The following NRXN1 variants were observed in gnomAD, a reference collection of about 807,000 sequenced individuals.
The protein encoded by NRXN1 is neurexin 1.
Under a neutral mutation model 150.9 loss-of-function variants are expected in NRXN1, and 39 were observed. That is an observed-to-expected ratio of 0.26 (90% confidence interval 0.20 to 0.34). The LOEUF is 0.34. NRXN1 is among the 10% of genes least tolerant of loss of function. The pLI is 1.00. For synonymous variants in NRXN1, 924 were observed against 757.0 expected (o/e 1.22, Z -3.62); for missense variants, 1,815 against 1,949.9 (o/e 0.93, Z 1.30).
intron 22 of NRXN1, among the ~76,000 whole-genome samples, chr2:49,935,616 T>C (rs1670894659): frequency 6.6e-6 from 1 of 152,198 alleles, no homozygotes; most frequent in Non-Finnish European, 1.5e-5. Flanking sequence ...TGCTGCCCCT[T>C]GGAGCATATG....
chr2:50,516,530 A>G (rs946886341), intron 12 of NRXN1, among the ~76,000 whole-genome samples: 2 of 152,178 alleles, frequency 1.3e-5, no homozygotes, highest in South Asian at 4.1e-4. Context: ...TCTCTGGGGT[A>G]TCAGAGAAGC....
At chr2:50,516,248 A>C (rs1460211978) in intron 12 of NRXN1, among the ~76,000 whole-genome samples, 2 of 152,176 alleles carry the variant, frequency 1.3e-5, no homozygotes, top group Non-Finnish European at 2.9e-5. Context: ...CCTTATTCAA[A>C]ATTAAGAATT....
intron 5 of NRXN1, among the ~76,000 whole-genome samples, chr2:50,654,203 C>CT (rs200358102): frequency 2.9e-4 from 14 of 48,114 alleles, no homozygotes; most frequent in African/African-American, 8.4e-4. Context: ...ACAACAGGCC[C>CT]CAGTGTGATG....
At chr2:50,555,902 A>G (rs1668171161) in intron 8 of NRXN1, among the ~76,000 whole-genome samples, 1 of 152,194 alleles carries the variant, frequency 6.6e-6, no homozygotes, top group South Asian at 2.1e-4. Context: ...AATTCCTTTT[A>G]GAACGAAGAA....
intron 2 of NRXN1, among the ~76,000 whole-genome samples, chr2:50,929,697 AGT>A (rs1687454969): frequency 6.6e-6 from 1 of 152,048 alleles, no homozygotes; most frequent in Non-Finnish European, 1.5e-5. Context: ...CCATACAGGG[AGT>A]GTGCTAACTT....
intron 17 of NRXN1, among the ~76,000 whole-genome samples, chr2:50,434,343 C>A (rs1409021395): frequency 6.6e-5 from 10 of 151,814 alleles, no homozygotes; most frequent in Non-Finnish European, 1.5e-4. Flanking sequence ...CGGCCTCCCA[C>A]AGTGCTGGGA....
chr2:50,835,761 G>T (rs1672018568), intron 5 of NRXN1, among the ~76,000 whole-genome samples: 1 of 152,260 alleles, frequency 6.6e-6, no homozygotes, highest in South Asian at 2.1e-4. Flanking sequence ...ATACTGTGTG[G>T]AAGAATCCAG....
At chr2:50,592,388 A>C (rs1476120644) in intron 8 of NRXN1, among the ~76,000 whole-genome samples, 1 of 152,258 alleles carries the variant, frequency 6.6e-6, no homozygotes, top group Non-Finnish European at 1.5e-5. Context: ...CACTCTGTGC[A>C]TCCCAAAAGA....
chr2:50,257,786 A>G (rs2067852423), intron 17 of NRXN1, among the ~76,000 whole-genome samples: 1 of 152,056 alleles, frequency 6.6e-6, no homozygotes, highest in African/African-American at 2.4e-5. Context: ...CTGAGAAAAG[A>G]GACTATCCAA....
chr2:50,524,671 A>G (rs539358445), intron 12 of NRXN1, among the ~76,000 whole-genome samples: 1 of 152,102 alleles, frequency 6.6e-6, no homozygotes, highest in Non-Finnish European at 1.5e-5. Context: ...AATCCACTGC[A>G]TATTTAAAGT....
intron 21 of NRXN1, among the ~76,000 whole-genome samples, chr2:49,996,381 C>A (rs1369794589): frequency 6.6e-6 from 1 of 152,034 alleles, no homozygotes; most frequent in Admixed American, 6.6e-5. Flanking sequence ...ATTCAGTTTA[C>A]CTGAATCAAG....
At chr2:50,938,926 T>C (rs1574989497) in intron 2 of NRXN1, among the ~76,000 whole-genome samples, 1 of 152,042 alleles carries the variant, frequency 6.6e-6, no homozygotes, top group African/African-American at 2.4e-5. Flanking sequence ...AAATTAAATG[T>C]AGGGGCTGAG....
intron 5 of NRXN1, among the ~76,000 whole-genome samples, chr2:50,855,807 A>G (rs1480903503): frequency 6.6e-6 from 1 of 152,086 alleles, no homozygotes; most frequent in Non-Finnish European, 1.5e-5. Flanking sequence ...GCTATACTTA[A>G]AGTGTATTAT....
intron 18 of NRXN1, among the ~76,000 whole-genome samples, chr2:50,163,187 A>ATATATATATATATAT (rs2059469503): frequency 9.5e-6 from 1 of 104,988 alleles, no homozygotes; most frequent in Non-Finnish European, 2.2e-5. Context: ...TATATATATA[A>ATATATATATATATAT]AACAATACTA....
At chr2:50,577,700 C>A (rs1671644697) in intron 8 of NRXN1, among the ~76,000 whole-genome samples, 2 of 146,472 alleles carry the variant, frequency 1.4e-5, no homozygotes, top group South Asian at 4.5e-4. Flanking sequence ...GGTAATAGTA[C>A]CTGACTGAAA....
chr2:50,173,054 T>C (rs1336892865), intron 18 of NRXN1, among the ~76,000 whole-genome samples: 6 of 152,218 alleles, frequency 3.9e-5, no homozygotes, highest in Non-Finnish European at 5.9e-5. Flanking sequence ...GCAATCTATA[T>C]TTCTCCATTA....
chr2:49,979,903 TTGG>T (rs200499129), intron 21 of NRXN1, among the ~76,000 whole-genome samples: 2,268 of 116,904 alleles, frequency 0.019, 67 homozygotes, highest in African/African-American at 0.053. Context: ...TATTGTTTTT[TTGG>T]TTTTTTTTTT....
intron 5 of NRXN1, among the ~76,000 whole-genome samples, chr2:50,920,757 T>C (rs772085706): frequency 4.6e-5 from 7 of 151,780 alleles, no homozygotes; most frequent in Non-Finnish European, 1.0e-4. Flanking sequence ...AGGCTTAATA[T>C]GAGATTAAAT....
intron 18 of NRXN1, among the ~76,000 whole-genome samples, chr2:50,163,185 TAA>T (rs1553695199): frequency 1.0e-4 from 15 of 146,430 alleles, no homozygotes; most frequent in Admixed American, 6.9e-4. Context: ...TATATATATA[TAA>T]AACAATACTA....
Sources: gnomAD v4.1 joint callset for allele counts (sites outside exome capture counted in the v4.1 genomes callset) on GRCh38, gnomAD v4.1.1 for gene constraint, MANE v1.5 for transcripts, NCBI Gene and HGNC (gene_info 2026-07-23, HGNC 2026-07-21) for gene names.